TMEM50B: variants seen among roughly 807,000 people sequenced by gnomAD.
TMEM50B encodes HCV p7-trans-regulated protein 3.
In TMEM50B, 14 loss-of-function variants were observed where a neutral mutation model predicts 23.4. That is an observed-to-expected ratio of 0.60 (90% confidence interval 0.39 to 0.93). TMEM50B has a LOEUF of 0.93. Ranked by LOEUF, TMEM50B falls within the 40% of genes least tolerant of loss-of-function variation. The pLI is 0.00. For missense variants in TMEM50B, 159 were observed against 193.0 expected (o/e 0.82, Z 1.04); for synonymous variants, 64 against 62.3 (o/e 1.03, Z -0.13).
chr21:33,438,781 G>A (rs1165565057), intron 8 of TMEM50B, among the ~76,000 whole-genome samples: 1 of 151,920 alleles, frequency 6.6e-6, no homozygotes, highest in Non-Finnish European at 1.5e-5. Context: ...CCAGGCTGGA[G>A]CGCAGTGGCG....
chr21:33,448,475 C>CA (rs1225947852), downstream of TMEM50B, among the ~76,000 whole-genome samples: 1 of 151,664 alleles, frequency 6.6e-6, no homozygotes, highest in East Asian at 1.9e-4. Context: ...CCCGTCTCTA[C>CA]AAAAAACAAC....
intron 1 of TMEM50B, among the ~76,000 whole-genome samples, chr21:33,477,236 G>C (rs1009825587): frequency 5.3e-5 from 8 of 152,042 alleles, no homozygotes; most frequent in African/African-American, 1.9e-4. Context: ...GCAGCAAGCC[G>C]TGAGGGAACC....
chr21:33,443,200 A>C (rs544781761), intron 7 of TMEM50B, among the ~76,000 whole-genome samples: 1 of 152,324 alleles, frequency 6.6e-6, no homozygotes, highest in Non-Finnish European at 1.5e-5. Flanking sequence ...GGGCAGGTAC[A>C]AAATTTTGCC....
chr21:33,451,579 C>T (rs908596884), intron 6 of TMEM50B, among the ~76,000 whole-genome samples: 4 of 152,086 alleles, frequency 2.6e-5, no homozygotes, highest in Non-Finnish European at 5.9e-5. Flanking sequence ...GGAATTATCT[C>T]GGCAAAGTGA....
At chr21:33,465,550 T>TA (rs1388405227) in intron 3 of TMEM50B, 141 bp from the exon 4 acceptor site, 1 of 589,230 alleles carries the variant, frequency 1.7e-6, no homozygotes, top group East Asian at 3.1e-5. Context: ...TTTAACCTAA[T>TA]AAAAATGCTA....
rs121913220 is a variant in TMEM50B at position 33,436,932 on chromosome 21, G to A, written c.*2120+2282C>T. Reference sequence around the variant, plus strand: ...TGTCCATTATCTCGTTTCCGGAAAAGGAGCAAGAAGATGTTCTCCAAACGC... The same window carrying A: ...TGTCCATTATCTCGTTTCCGGAAAAAGAGCAAGAAGATGTTCTCCAAACGC... On this transcript the variant is annotated intron_variant and NMD_transcript_variant, in intron 8 of 8. Coordinates refer to the TMEM50B transcript ENST00000420455. 2.1e-4 allele frequency: 337 copies of A among 1,613,990 alleles called. No individual in the cohort carries two copies. The African/African-American group carries it at 4.3e-3, about 21-fold the overall frequency.
downstream of TMEM50B, among the ~76,000 whole-genome samples, chr21:33,445,494 T>A (rs1261417303): frequency 1.3e-5 from 2 of 152,242 alleles, no homozygotes; most frequent in Non-Finnish European, 2.9e-5. Flanking sequence ...AAAGGAAACA[T>A]CCCTTCAAAA....
chr21:33,436,147 C>T (rs1601097956), intron 8 of TMEM50B, among the ~76,000 whole-genome samples: 3 of 145,058 alleles, frequency 2.1e-5, no homozygotes, highest in African/African-American at 7.7e-5. Flanking sequence ...CACCTGAGGT[C>T]AGGAGTTCGA....
chr21:33,463,155 G>A lies in TMEM50B; in HGVS notation c.280+2187C>T, dbSNP rs533586922. On this transcript the variant is annotated intron_variant, in intron 4 of 6. Coordinates refer to ENST00000542230, the MANE Select transcript of TMEM50B (RefSeq NM_006134.7). ...AAAAATACAAAAACTAGCCAGGCGT[G>A]GTGGCAGGCACCTGTAATCCCAGCT... Among the ~76,000 whole-genome samples the A allele has an allele frequency of 2.6e-5, 4 of 152,152 alleles. No homozygotes were observed. In the East Asian group the frequency reaches 5.8e-4, roughly 22 times the overall value.
chr21:33,439,014 C>T (rs2083984117), intron 8 of TMEM50B, among the ~76,000 whole-genome samples: 1 of 152,132 alleles, frequency 6.6e-6, no homozygotes, highest in Non-Finnish European at 1.5e-5. Context: ...AGGCGTGAGC[C>T]ACCGTGTCCG....
At chr21:33,451,674 G>T (rs907474647) in intron 6 of TMEM50B, among the ~76,000 whole-genome samples, 2 of 152,150 alleles carry the variant, frequency 1.3e-5, no homozygotes, top group Non-Finnish European at 2.9e-5. Flanking sequence ...TTTTGGATTT[G>T]AAATGTCAGC....
At chr21:33,455,133 TA>T (rs2084157991) in intron 6 of TMEM50B, among the ~76,000 whole-genome samples, 1 of 151,696 alleles carries the variant, frequency 6.6e-6, no homozygotes. Context: ...AATAAATAAA[TA>T]AATAAAAATA....
chr21:33,445,567 G>T (rs2084046012), downstream of TMEM50B, among the ~76,000 whole-genome samples: 1 of 152,250 alleles, frequency 6.6e-6, no homozygotes, highest in Non-Finnish European at 1.5e-5. Context: ...GGCCAAGGCT[G>T]GCGGATCGCT....
intron 1 of TMEM50B, among the ~76,000 whole-genome samples, chr21:33,473,608 C>T (rs1351205207): frequency 6.8e-6 from 1 of 147,246 alleles, no homozygotes; most frequent in Non-Finnish European, 1.5e-5. Context: ...CCCAGAAGTT[C>T]GAGGTTACAG....
chr21:33,479,019 C>G (rs1237231087), intron 1 of TMEM50B: 7 of 339,948 alleles, frequency 2.1e-5, no homozygotes, highest in South Asian at 1.6e-4. Flanking sequence ...CCCCCTGCCC[C>G]TCCGCACCCC....
intron 8 of TMEM50B, chr21:33,437,042 CA>C (rs2083962441): frequency 6.8e-7 from 1 of 1,481,204 alleles, no homozygotes; most frequent in South Asian, 1.1e-5. Context: ...CTGGACTTTC[CA>C]GAGACCAGTA....
chr21:33,456,343 C>G (rs934461755), intron 5 of TMEM50B, among the ~76,000 whole-genome samples: 1 of 152,126 alleles, frequency 6.6e-6, no homozygotes, highest in African/African-American at 2.4e-5. Context: ...GGACTACAGG[C>G]ACACACCACA....
At chr21:33,438,032 C>T (rs542238556) in intron 8 of TMEM50B, among the ~76,000 whole-genome samples, 2 of 150,928 alleles carry the variant, frequency 1.3e-5, no homozygotes, top group East Asian at 3.9e-4. Flanking sequence ...TGCCTGTAAT[C>T]CCAGCACTTT....
chr21:33,438,752 CAG>C (rs1351349458), intron 8 of TMEM50B, among the ~76,000 whole-genome samples: 2 of 150,314 alleles, frequency 1.3e-5, no homozygotes, highest in African/African-American at 4.9e-5. Context: ...TCTTTTGAGA[CAG>C]AGTCTCACTC....
Sources: gnomAD v4.1 joint callset for allele counts (sites outside exome capture counted in the v4.1 genomes callset) on GRCh38, gnomAD v4.1.1 for gene constraint, MANE v1.5 for transcripts, NCBI Gene and HGNC (gene_info 2026-07-23, HGNC 2026-07-21) for gene names.